RYK: variants seen among roughly 807,000 people sequenced by gnomAD.
The protein encoded by RYK is receptor like tyrosine kinase, also known as inactive tyrosine-protein kinase RYK.
Under a neutral mutation model 70.2 loss-of-function variants are expected in RYK, and 21 were observed. That is an observed-to-expected ratio of 0.30 (90% CI 0.21 to 0.43). The LOEUF (loss-of-function observed/expected upper bound fraction) is 0.43, where lower values mean the gene tolerates loss of function less well. RYK is among the 20% of genes least tolerant of loss of function. The probability of loss-of-function intolerance (pLI) is 1.00; values close to 1 mark genes in which losing one functional copy is unlikely to be tolerated. For missense variants in RYK, 604 were observed against 753.3 expected (o/e 0.80, Z 2.32); for synonymous variants, 267 against 278.0 (o/e 0.96, Z 0.39).
intron 11 of RYK, among the ~76,000 whole-genome samples, chr3:134,177,590 A>C (rs1471766223): frequency 6.6e-6 from 1 of 152,208 alleles, no homozygotes; most frequent in Non-Finnish European, 1.5e-5. Flanking sequence ...TATGAACCAA[A>C]TGGCTCTAGA....
intron 2 of RYK, among the ~76,000 whole-genome samples, chr3:134,216,792 C>CAAAAAAAAAAAAAA (rs61441674): frequency 2.9e-4 from 11 of 37,426 alleles, no homozygotes; most frequent in Non-Finnish European, 3.2e-4. Context: ...GACTCTGTCT[C>CAAAAAAAAAAAAAA]AAAAAAAAAA....
intron 10 of RYK, 196 bp from the exon 11 acceptor site, chr3:134,178,269 C>G (rs2013175131): frequency 4.4e-6 from 2 of 454,486 alleles, no homozygotes; most frequent in African/African-American, 4.1e-5. Flanking sequence ...GCATATATCC[C>G]CATATATGCA....
At position 134,191,926 on chromosome 3, in the gene RYK, A is replaced by C; in HGVS notation, c.938T>G (p.Leu313Arg). The part of the protein sequence containing the change: ...IEKNDLRSVT[L>R]LEAKGKVKDI... ...CTTCACCTTGCCTTTGGCCTCCAAA[A>C]GAGTGACACTTCTCAAGTCGTTCTT... Residue 313 changes from leucine to arginine, a missense_variant, in exon 8 of 15, where the codon CTT becomes CGT. Leu to Arg is a moderately radical substitution (Grantham distance 102). Around this residue, in one of 2 missense-constraint regions of RYK, gnomAD observed 466 missense variants for 535.9 expected, o/e 0.87. Coordinates refer to ENST00000623711, the MANE Select transcript of RYK (RefSeq NM_002958.4). The C allele has an allele frequency of 6.2e-7, 1 of 1,613,578 alleles. No homozygotes were observed. The highest frequency in any genetic ancestry group is 8.5e-7 in the Non-Finnish European group (1 of 1,179,670).
At chr3:134,165,387 C>CACAGAAG in intron 13 of RYK, among the ~76,000 whole-genome samples, 1 of 152,316 alleles carries the variant, frequency 6.6e-6, no homozygotes, top group South Asian at 2.1e-4. Context: ...AAGGACAGTG[C>CACAGAAG]TGAGTAACAG....
chr3:134,194,963 T>C lies in RYK; in HGVS notation c.889+119A>G. On this transcript the variant is annotated intron_variant, in intron 7 of 14. Transcript: ENST00000623711. ...AAAAGTTGAAGAGCATACCTAATTT[T>C]GCATACTTTAGATACGATTTACACA... 3 of 668,462 alleles carry C rather than the reference T, an allele frequency of 4.5e-6. No homozygotes were observed. The Middle Eastern group carries it at 7.3e-4, about 162-fold the overall frequency. The allele number at this position is 668,462 out of a possible 1,614,324, so 41.4% of individuals were successfully genotyped here.
intron 13 of RYK, among the ~76,000 whole-genome samples, chr3:134,162,069 C>A (rs923391227): frequency 5.3e-5 from 8 of 152,138 alleles, no homozygotes; most frequent in African/African-American, 1.9e-4. Flanking sequence ...GCAGTCCCTG[C>A]CTCTATCTTC....
chr3:134,230,219 T>C (rs1008506518), intron 1 of RYK, among the ~76,000 whole-genome samples: 1 of 152,208 alleles, frequency 6.6e-6, no homozygotes, highest in Non-Finnish European at 1.5e-5. Flanking sequence ...CCTAAGTAGC[T>C]GGGATTATGG....
intron 1 of RYK, among the ~76,000 whole-genome samples, chr3:134,235,738 T>C (rs2107692688): frequency 6.6e-6 from 1 of 152,270 alleles, no homozygotes; most frequent in Non-Finnish European, 1.5e-5. Flanking sequence ...GGGTTATTAC[T>C]GTCAGGGAGT....
chr3:134,177,863 A>T, intron 11 of RYK, 78 bp downstream of exon 11: 1 of 1,246,362 alleles, frequency 8.0e-7, no homozygotes, highest in Non-Finnish European at 1.1e-6. Context: ...TTTATATTTA[A>T]GAATGTTAAT....
At chr3:134,184,608 G>A (rs544779775) in intron 9 of RYK, among the ~76,000 whole-genome samples, 23 of 152,058 alleles carry the variant, frequency 1.5e-4, no homozygotes, top group African/African-American at 5.5e-4. Flanking sequence ...TTCAAAAAGT[G>A]TTTTTAATTA....
At chr3:134,184,979 A>G (rs1355711106) in intron 9 of RYK, among the ~76,000 whole-genome samples, 1 of 150,590 alleles carries the variant, frequency 6.6e-6, no homozygotes, top group Non-Finnish European at 1.5e-5. Context: ...AAAAAAAAAA[A>G]AAAAAATTAG....
At position 134,188,902 on chromosome 3, in the gene RYK, T is replaced by C. The variant is rs774328896; in HGVS notation, c.1037A>G (p.His346Arg). ...LQEGTFGRIF[H>R]GILIDEKDPN... ...ATCTTTTTCATCTATTAAAATCCCATGGAAAATACGCCCAAAAGTACCTAA... is the reference window on the plus strand; with the variant it reads ...ATCTTTTTCATCTATTAAAATCCCACGGAAAATACGCCCAAAAGTACCTAA... The change falls in exon 9 of 15, where the codon CAT (histidine) becomes CGT (arginine). Residue 346 changes from histidine to arginine, a missense_variant. Coordinates refer to ENST00000623711, the MANE Select transcript of RYK (RefSeq NM_002958.4). 4.5e-6 allele frequency: 7 copies of C among 1,572,922 alleles called. No homozygotes were observed. Among genetic ancestry groups the C allele is most frequent in the Admixed American group, 1.7e-5 (1 of 57,170 alleles).
At chr3:134,195,666 G>A (rs1360462974) in intron 6 of RYK, among the ~76,000 whole-genome samples, 2 of 152,236 alleles carry the variant, frequency 1.3e-5, no homozygotes, top group Admixed American at 1.3e-4. Flanking sequence ...AGGAGTATTG[G>A]CCAGGTGCGG....
chr3:134,230,898 CAAG>C (rs1160354564), intron 1 of RYK, among the ~76,000 whole-genome samples: 1 of 152,134 alleles, frequency 6.6e-6, no homozygotes. Flanking sequence ...CTGCTTATCT[CAAG>C]AAGCTTGCAA....
intron 11 of RYK, among the ~76,000 whole-genome samples, chr3:134,176,394 CA>C (rs2013101470): frequency 6.6e-6 from 1 of 152,080 alleles, no homozygotes; most frequent in Admixed American, 6.5e-5. Context: ...TTTTTTCCCC[CA>C]AACAGTAGTT....
chr3:134,177,277 A>G (rs6762690), intron 11 of RYK, among the ~76,000 whole-genome samples: 21,915 of 152,138 alleles, frequency 0.14, 1,937 homozygotes, highest in East Asian at 0.47. Flanking sequence ...ATATTAGGCC[A>G]AATACTGAAT....
At chr3:134,195,744 C>T (rs1044947114) in intron 6 of RYK, among the ~76,000 whole-genome samples, 2 of 152,116 alleles carry the variant, frequency 1.3e-5, no homozygotes, top group Admixed American at 6.5e-5. Context: ...GTCAGGAGTT[C>T]GACACCAGTA....
chr3:134,219,897 A>G lies in RYK; in HGVS notation c.354+2521T>C, dbSNP rs866323454. Among the ~76,000 whole-genome samples the G allele has an allele frequency of 2.0e-5, 3 of 152,352 alleles. No homozygotes were observed. The Middle Eastern group carries it at 0.01, about 518-fold the overall frequency. On this transcript the variant is annotated intron_variant, in intron 2 of 14. Coordinates refer to ENST00000623711, the MANE Select transcript of RYK (RefSeq NM_002958.4). ...GCAAAAAGTAGTGGTTGAAAGGATG[A>G]TGAGGAATGAGATTTTTTTAAAAGA...
chr3:134,167,483 C>G (rs2108143914), intron 13 of RYK, among the ~76,000 whole-genome samples: 1 of 152,166 alleles, frequency 6.6e-6, no homozygotes, highest in Non-Finnish European at 1.5e-5. Flanking sequence ...CTGACAAAAA[C>G]AAGAAATGGG....
Sources: gnomAD v4.1 joint callset for allele counts (sites outside exome capture counted in the v4.1 genomes callset) on GRCh38, gnomAD v4.1.1 for gene constraint, gnomAD v4.1.1 regional missense constraint, MANE v1.5 for transcripts, NCBI Gene and HGNC (gene_info 2026-07-23, HGNC 2026-07-21) for gene names.